The following GCNT1 variants were observed in gnomAD, a reference collection of about 807,000 sequenced individuals.
GCNT1 encodes beta-1,3-galactosyl-O-glycosyl-glycoprotein beta-1,6-N-acetylglucosaminyltransferase.
In GCNT1, 16 loss-of-function variants were observed where a neutral mutation model predicts 26.2. The ratio of observed to expected loss-of-function variants is 0.61; its 90% confidence interval spans 0.41 to 0.93. GCNT1 has a LOEUF of 0.93. Ranked by LOEUF, GCNT1 falls within the 40% of genes least tolerant of loss-of-function variation. The probability of loss-of-function intolerance (pLI) is 0.00; values close to 1 mark genes in which losing one functional copy is unlikely to be tolerated. For missense variants in GCNT1, 477 were observed against 526.7 expected (o/e 0.91, Z 0.92); for synonymous variants, 183 against 190.8 (o/e 0.96, Z 0.34).
chr9:76,487,855 C>T (rs1454947798), intron 2 of GCNT1, among the ~76,000 whole-genome samples: 2 of 152,168 alleles, frequency 1.3e-5, no homozygotes, highest in Admixed American at 6.5e-5. Context: ...CCACCTCAGT[C>T]CCCTGAGTAG....
intron 2 of GCNT1, among the ~76,000 whole-genome samples, chr9:76,474,068 C>A (rs1303315470): frequency 6.6e-6 from 1 of 152,132 alleles, no homozygotes; most frequent in African/African-American, 2.4e-5. Flanking sequence ...CCACTGCACT[C>A]TAGCTTGGGT....
At chr9:76,409,368 T>A in the GCNT1 span, among the ~76,000 whole-genome samples, 12 of 152,208 alleles carry the variant, frequency 7.9e-5, no homozygotes, top group African/African-American at 2.9e-4. Flanking sequence ...AGAGGCTTAT[T>A]GATTTTATCA....
chr9:76,459,849 C>G (rs1048423314), intron 1 of GCNT1, among the ~76,000 whole-genome samples: 6 of 152,284 alleles, frequency 3.9e-5, no homozygotes, highest in African/African-American at 1.4e-4. Flanking sequence ...CTTTCCTGCT[C>G]CCTCGCTTTC....
chr9:76,425,945 C>T (rs1297781655), intron 1 of GCNT1, among the ~76,000 whole-genome samples: 1 of 152,124 alleles, frequency 6.6e-6, no homozygotes, highest in Non-Finnish European at 1.5e-5. Context: ...TGCAAAATAT[C>T]TCAAGCACTG....
chr9:76,397,004 G>T, the GCNT1 span, among the ~76,000 whole-genome samples: 20 of 148,934 alleles, frequency 1.3e-4, no homozygotes, highest in African/African-American at 4.7e-4. Context: ...TAAATAGGCC[G>T]GGCGCAGTGG....
chr9:76,405,319 G>A, the GCNT1 span, among the ~76,000 whole-genome samples: 1 of 123,284 alleles, frequency 8.1e-6, no homozygotes, highest in East Asian at 2.9e-4. Context: ...ACACACACAG[G>A]CTTCCTCACT....
At chr9:76,500,194 A>G (rs906163966) in intron 2 of GCNT1, among the ~76,000 whole-genome samples, 1 of 151,946 alleles carries the variant, frequency 6.6e-6, no homozygotes. Context: ...TGGAAATCAG[A>G]TCTCTACCCC....
chr9:76,431,041 A>G (rs1341261554), intron 1 of GCNT1, among the ~76,000 whole-genome samples: 6 of 152,128 alleles, frequency 3.9e-5, no homozygotes. Flanking sequence ...GAAAGAATAT[A>G]TATTGGAGTA....
the GCNT1 span, among the ~76,000 whole-genome samples, chr9:76,406,187 G>A: frequency 1.3e-5 from 2 of 152,130 alleles, no homozygotes; most frequent in Non-Finnish European, 2.9e-5. Flanking sequence ...TTGGTGAAGT[G>A]TCTGTTCAGG....
chr9:76,494,746 A>G (rs1587453659), intron 2 of GCNT1, among the ~76,000 whole-genome samples: 2 of 152,302 alleles, frequency 1.3e-5, no homozygotes, highest in Middle Eastern at 6.8e-3. Context: ...GACAGGCTTT[A>G]GGAGCCAGGA....
intron 2 of GCNT1, among the ~76,000 whole-genome samples, chr9:76,473,012 G>A (rs960330858): frequency 2.0e-5 from 3 of 152,104 alleles, no homozygotes; most frequent in Admixed American, 2.0e-4. Context: ...GCCTCCTAAA[G>A]TGCTGGGATT....
chr9:76,404,537 G>A, the GCNT1 span, among the ~76,000 whole-genome samples: 78 of 152,292 alleles, frequency 5.1e-4, no homozygotes, highest in African/African-American at 1.8e-3. Context: ...AAACTGACCT[G>A]GTTGTGAAAT....
Position 76,502,633 on chromosome 9 carries a change from G to A in GCNT1, c.252G>A (p.Lys84=), listed in dbSNP as rs1204911927. Residue 84 remains lysine, a synonymous_variant, in exon 4 of 4, where the codon AAG becomes AAA. Transcript: ENST00000376730. ...KLEILTVKFK[K]RPRWTPDDYI... ...AGATCCTAACAGTGAAATTTAAAAA[G>A]CGCCCTCGGTGGACACCTGACGACT... is the stretch of plus-strand genomic sequence containing the variant. 2 of 1,613,808 alleles carry A rather than the reference G, an allele frequency of 1.2e-6. No homozygotes were observed. Among genetic ancestry groups the A allele is most frequent in the African/African-American group, 2.7e-5 (2 of 74,844 alleles).
intron 2 of GCNT1, among the ~76,000 whole-genome samples, chr9:76,467,183 C>A (rs1373288278): frequency 6.6e-6 from 1 of 152,188 alleles, no homozygotes; most frequent in East Asian, 1.9e-4. Context: ...TCTGGGACTA[C>A]AGGCACCCGC....
At chr9:76,495,228 C>G (rs762466672) in intron 2 of GCNT1, among the ~76,000 whole-genome samples, 1 of 152,172 alleles carries the variant, frequency 6.6e-6, no homozygotes, top group South Asian at 2.1e-4. Context: ...AATAAAGCCG[C>G]GGACCTTTGC....
rs529296626 is a variant in GCNT1 at position 76,472,893 on chromosome 9, C to T, written c.-290+12716C>T. Among the ~76,000 whole-genome samples the T allele has an allele frequency of 4.6e-5, 7 of 151,882 alleles. No homozygotes were observed. In the South Asian group the frequency reaches 1.5e-3, roughly 32 times the overall value. On this transcript the variant is annotated intron_variant, in intron 2 of 3. Coordinates refer to ENST00000376730, the MANE Select transcript of GCNT1 (RefSeq NM_001490.5). The stretch of plus-strand genomic sequence containing the variant: ...ATTCCGGAGTAGCTGGGATTACAGG[C>T]GCCTGCCACCATGGCTGGCTAATTT...
chr9:76,444,308 T>G (rs1394843718), intron 1 of GCNT1, among the ~76,000 whole-genome samples: 1 of 152,092 alleles, frequency 6.6e-6, no homozygotes, highest in Admixed American at 6.6e-5. Flanking sequence ...TAAATCTAGA[T>G]GTACTTAACA....
the GCNT1 span, among the ~76,000 whole-genome samples, chr9:76,402,868 C>T: frequency 2.6e-5 from 4 of 152,002 alleles, no homozygotes; most frequent in East Asian, 1.9e-4. Flanking sequence ...TTAGTAGAGA[C>T]GGGGTTTCAC....
the GCNT1 span, among the ~76,000 whole-genome samples, chr9:76,398,296 C>G: frequency 4.4e-4 from 67 of 152,226 alleles, 1 homozygote; most frequent in South Asian, 0.01. Context: ...AGCAAAAGAT[C>G]TGAATAAGCA....
Sources: gnomAD v4.1 joint callset for allele counts (sites outside exome capture counted in the v4.1 genomes callset) on GRCh38, gnomAD v4.1.1 for gene constraint, MANE v1.5 for transcripts, NCBI Gene and HGNC (gene_info 2026-07-23, HGNC 2026-07-21) for gene names.